The following HDAC9 variants were observed in gnomAD, a reference collection of about 807,000 sequenced individuals.
HDAC9 encodes the protein histone deacetylase 9, also known as MEF-2 interacting transcription repressor (MITR) protein.
A neutral mutation model predicts 139.4 loss-of-function variants in HDAC9; 41 were observed. The ratio of observed to expected loss-of-function variants is 0.29; its 90% confidence interval spans 0.23 to 0.38. HDAC9 has a LOEUF of 0.38. HDAC9 is among the 10% of genes least tolerant of loss of function. The probability of loss-of-function intolerance (pLI) is 1.00; values close to 1 mark genes in which losing one functional copy is unlikely to be tolerated. For synonymous variants in HDAC9, 517 were observed against 476.2 expected (o/e 1.09, Z -1.12); for missense variants, 1,147 against 1,297.0 (o/e 0.88, Z 1.78).
At chr7:18,980,758 CCTTCTTCTTCTTCTT>C (rs146276589) in intron 25 of HDAC9, among the ~76,000 whole-genome samples, 54 of 140,920 alleles carry the variant, frequency 3.8e-4, no homozygotes, top group Non-Finnish European at 7.4e-4. Context: ...TCTTCTTCTT[CCTTCTTCTTCTTCTT>C]CTTCCTCTTC....
At chr7:18,482,144 G>A (rs1795603968) in intron 1 of HDAC9, among the ~76,000 whole-genome samples, 1 of 151,812 alleles carries the variant, frequency 6.6e-6, no homozygotes, top group Admixed American at 6.6e-5. Flanking sequence ...AAATTAAGGT[G>A]ATGGAAAAGA....
chr7:18,423,383 C>T (rs939865885), intron 1 of HDAC9, among the ~76,000 whole-genome samples: 1 of 151,992 alleles, frequency 6.6e-6, no homozygotes, highest in African/African-American at 2.4e-5. Flanking sequence ...ATTAAAAGAG[C>T]TTAGTTTCTG....
chr7:18,727,812 A>G, intron 13 of HDAC9, 55 bp downstream of exon 13: 2 of 1,304,970 alleles, frequency 1.5e-6, no homozygotes, highest in Non-Finnish European at 1.0e-6. Flanking sequence ...CCGTTCTTGT[A>G]GGATTAACCG....
At chr7:18,146,302 G>A (rs1300044297) in intron 1 of HDAC9, among the ~76,000 whole-genome samples, 2 of 152,066 alleles carry the variant, frequency 1.3e-5, no homozygotes, top group African/African-American at 4.8e-5. Flanking sequence ...TTCTATAAAT[G>A]AATCTAGAAT....
chr7:18,170,938 TG>T (rs1788383505), intron 2 of HDAC9, among the ~76,000 whole-genome samples: 1 of 152,234 alleles, frequency 6.6e-6, no homozygotes, highest in African/African-American at 2.4e-5. Flanking sequence ...GGCTCTTTTT[TG>T]GTTCCATACG....
At chr7:18,256,339 T>A (rs1795243559) in intron 2 of HDAC9, among the ~76,000 whole-genome samples, 1 of 152,142 alleles carries the variant, frequency 6.6e-6, no homozygotes, top group Non-Finnish European at 1.5e-5. Flanking sequence ...ATTTGGGGAA[T>A]AGCAAATAAA....
chr7:18,395,847 A>G (rs910395970), intron 1 of HDAC9, among the ~76,000 whole-genome samples: 2 of 152,134 alleles, frequency 1.3e-5, no homozygotes, highest in Non-Finnish European at 2.9e-5. Context: ...TGTTGATACC[A>G]TTAACATTTG....
chr7:18,236,289 C>A (rs978046792), intron 2 of HDAC9, among the ~76,000 whole-genome samples: 1 of 152,166 alleles, frequency 6.6e-6, no homozygotes, highest in African/African-American at 2.4e-5. Flanking sequence ...ATCGACAAGT[C>A]TTCCAGGTGA....
At chr7:18,943,366 T>G (rs1782152077) in intron 23 of HDAC9, among the ~76,000 whole-genome samples, 1 of 152,108 alleles carries the variant, frequency 6.6e-6, no homozygotes, top group Admixed American at 6.6e-5. Context: ...ATAATCTGAA[T>G]CATCCAACAA....
intron 2 of HDAC9, among the ~76,000 whole-genome samples, chr7:18,217,805 C>T (rs1562759890): frequency 6.6e-6 from 1 of 152,164 alleles, no homozygotes; most frequent in Non-Finnish European, 1.5e-5. Context: ...AACAATTACC[C>T]TAAAATTTAA....
intron 6 of HDAC9, among the ~76,000 whole-genome samples, chr7:18,619,658 G>A (rs572666278): frequency 1.4e-4 from 21 of 152,282 alleles, no homozygotes; most frequent in Admixed American, 9.8e-4. Flanking sequence ...CTGAGAAGGA[G>A]CCAGAAGAGA....
chr7:18,649,099 C>G (rs1788388821), intron 11 of HDAC9, among the ~76,000 whole-genome samples: 1 of 152,190 alleles, frequency 6.6e-6, no homozygotes, highest in South Asian at 2.1e-4. Flanking sequence ...TTCTCAGCAA[C>G]TTGTATGCAT....
chr7:18,716,109 A>T (rs1270727016), intron 12 of HDAC9, among the ~76,000 whole-genome samples: 1 of 152,118 alleles, frequency 6.6e-6, no homozygotes, highest in Non-Finnish European at 1.5e-5. Context: ...TTCAAACGAA[A>T]CCTCTTTTTC....
intron 2 of HDAC9, among the ~76,000 whole-genome samples, chr7:18,518,637 C>T (rs1435285047): frequency 6.6e-6 from 1 of 152,046 alleles, no homozygotes; most frequent in African/African-American, 2.4e-5. Flanking sequence ...TAGAAAAGGT[C>T]GAGAAATTAA....
intron 1 of HDAC9, among the ~76,000 whole-genome samples, chr7:18,145,731 A>G (rs1231720410): frequency 3.9e-5 from 6 of 152,176 alleles, no homozygotes; most frequent in East Asian, 1.9e-4. Context: ...TTTCTCATCA[A>G]TAGAATGGAT....
intron 2 of HDAC9, among the ~76,000 whole-genome samples, chr7:18,499,720 G>T (rs571583268): frequency 2.1e-3 from 325 of 152,228 alleles, no homozygotes; most frequent in African/African-American, 7.5e-3. Context: ...AGTAATGTAA[G>T]ATATATTTAC....
chr7:18,656,682 A>C (rs1394908061), intron 11 of HDAC9, among the ~76,000 whole-genome samples: 2 of 152,162 alleles, frequency 1.3e-5, no homozygotes, highest in Admixed American at 6.6e-5. Context: ...AGCACCACTA[A>C]AATCTTATAC....
intron 2 of HDAC9, among the ~76,000 whole-genome samples, chr7:18,579,784 T>C (rs939047795): frequency 3.3e-5 from 5 of 151,010 alleles, no homozygotes; most frequent in African/African-American, 1.2e-4. Flanking sequence ...TGAGAGTTTT[T>C]CCATGCCTGT....
intron 16 of HDAC9, among the ~76,000 whole-genome samples, chr7:18,776,526 A>G (rs895351328): frequency 2.6e-5 from 4 of 152,056 alleles, no homozygotes; most frequent in African/African-American, 9.7e-5. Flanking sequence ...GTTTTATCCT[A>G]CTGGAACTTA....
Sources: gnomAD v4.1 joint callset for allele counts (sites outside exome capture counted in the v4.1 genomes callset) on GRCh38, gnomAD v4.1.1 for gene constraint, MANE v1.5 for transcripts, NCBI Gene and HGNC (gene_info 2026-07-23, HGNC 2026-07-21) for gene names.